The following FAM78B variants were observed in gnomAD, a reference collection of about 807,000 sequenced individuals.
The protein encoded by FAM78B is family with sequence similarity 78 member B.
FAM78B carries 10 observed loss-of-function variants against 20.0 expected under a neutral mutation model. The ratio of observed to expected loss-of-function variants is 0.50; its 90% CI spans 0.31 to 0.85. The LOEUF (loss-of-function observed/expected upper bound fraction) is 0.85. FAM78B is among the 40% of genes least tolerant of loss of function. FAM78B has a pLI of 0.05. For missense variants in FAM78B, 283 were observed against 345.0 expected, an observed-to-expected ratio of 0.82 and a Z score of 1.42; for synonymous variants, 135 against 132.8, an observed-to-expected ratio of 1.02 and a Z score of -0.12.
At chr1:166,098,674 A>G (rs1396961531) in intron 1 of FAM78B, among the ~76,000 whole-genome samples, 2 of 152,118 alleles carry the variant, frequency 1.3e-5, no homozygotes, top group African/African-American at 2.4e-5. Context: ...CTTCGAATTA[A>G]CCCAATCCAA....
chr1:166,125,102 C>T lies in FAM78B; in HGVS notation c.263+40884G>A, dbSNP rs142298607. Among the ~76,000 whole-genome samples, 22 of 152,350 alleles carry T rather than the reference C, an allele frequency of 1.4e-4. 1 individual carries two copies. The highest frequency in any genetic ancestry group is 4.6e-4 in the African/African-American group (19 of 41,578). On this transcript the variant is annotated intron_variant, in intron 1 of 1. Coordinates refer to ENST00000354422, the MANE Select transcript of FAM78B (RefSeq NM_001017961.5). ...AATTGCAGTACTTTTCCATGCATAA[C>T]TTGATAAGGCCTATGTTGGGGTATG...
chr1:166,117,460 A>G (rs930918520), intron 1 of FAM78B, among the ~76,000 whole-genome samples: 1 of 152,006 alleles, frequency 6.6e-6, no homozygotes, highest in African/African-American at 2.4e-5. Flanking sequence ...TTAGCACCCC[A>G]TATCACATTT....
intron 1 of FAM78B, among the ~76,000 whole-genome samples, chr1:166,156,753 C>T (rs762163044): frequency 6.6e-6 from 1 of 152,112 alleles, no homozygotes; most frequent in African/African-American, 2.4e-5. Context: ...AATTGCACAA[C>T]CTTCCTGAGC....
At chr1:166,159,624 G>A (rs1029698654) in intron 1 of FAM78B, among the ~76,000 whole-genome samples, 2 of 151,972 alleles carry the variant, frequency 1.3e-5, no homozygotes, top group Non-Finnish European at 2.9e-5. Flanking sequence ...CTGATACTTT[G>A]CAGTCTGATG....
intron 1 of FAM78B, among the ~76,000 whole-genome samples, chr1:166,122,690 TG>T (rs1654505638): frequency 6.6e-6 from 1 of 152,224 alleles, no homozygotes; most frequent in Non-Finnish European, 1.5e-5. Flanking sequence ...TTGATCTCTC[TG>T]AACCTTGGCT....
chr1:166,111,673 G>T (rs1654063357), intron 1 of FAM78B, among the ~76,000 whole-genome samples: 1 of 152,232 alleles, frequency 6.6e-6, no homozygotes, highest in Non-Finnish European at 1.5e-5. Flanking sequence ...CTGTCAAGTG[G>T]TAAGTGGACT....
At chr1:166,157,079 A>C (rs561875917) in intron 1 of FAM78B, among the ~76,000 whole-genome samples, 18 of 150,184 alleles carry the variant, frequency 1.2e-4, no homozygotes, top group African/African-American at 4.4e-4. Flanking sequence ...GTTTGAACAG[A>C]AAACAGCCCT....
At chr1:166,154,635 T>TG (rs1003869502) in intron 1 of FAM78B, 1 of 479,120 alleles carries the variant, frequency 2.1e-6, no homozygotes, top group Non-Finnish European at 4.4e-6. Context: ...CAAACCTGGC[T>TG]GGGGGGCAGG....
downstream of FAM78B, among the ~76,000 whole-genome samples, chr1:166,069,056 G>A (rs976042038): frequency 1.3e-5 from 2 of 152,134 alleles, no homozygotes; most frequent in African/African-American, 4.8e-5. Flanking sequence ...TTAAGCCTTA[G>A]GAAGTAGTTT....
chr1:166,109,816 A>ATATATG (rs1653930922), intron 1 of FAM78B, among the ~76,000 whole-genome samples: 7 of 27,534 alleles, frequency 2.5e-4, no homozygotes, highest in African/African-American at 5.3e-4. Flanking sequence ...GTATATATGT[A>ATATATG]TATATATATA....
intron 1 of FAM78B, among the ~76,000 whole-genome samples, chr1:166,120,376 G>T (rs892990738): frequency 6.6e-6 from 1 of 152,206 alleles, no homozygotes; most frequent in Non-Finnish European, 1.5e-5. Context: ...CCAAAGCCTG[G>T]AGGCTTTCTT....
In FAM78B at chr1:166,059,407, C is replaced by T. The variant is rs571160732; in HGVS notation, c.*1666G>A. 5 of 152,260 alleles carry T rather than the reference C, an allele frequency of 3.3e-5. No homozygotes were observed. In the East Asian group the frequency reaches 9.6e-4, roughly 29 times the overall value. 9.4% of individuals were successfully genotyped at this position (152,260 alleles called of 1,614,324 possible). On this transcript the variant is annotated 3_prime_UTR_variant and NMD_transcript_variant, in exon 3 of 3. Coordinates refer to the FAM78B transcript ENST00000435676. ...GAGGTGATACTAGAACTTTCCAACC[C>T]TATTTTCACATTAGAGTCATCTGGG...
intron 2 of FAM78B, among the ~76,000 whole-genome samples, chr1:166,063,003 C>T (rs887675432): frequency 3.3e-5 from 5 of 152,172 alleles, no homozygotes; most frequent in African/African-American, 7.2e-5. Flanking sequence ...TCAAAGTGCT[C>T]GAGAGAAGTC....
At chr1:166,064,932 C>T (rs940274438), downstream of FAM78B, among the ~76,000 whole-genome samples, 4 of 152,228 alleles carry the variant, frequency 2.6e-5, no homozygotes, top group Admixed American at 2.6e-4. Context: ...GCAGGACCTC[C>T]AAGATCTCAA....
At chr1:166,132,765 T>C (rs1251849681) in intron 1 of FAM78B, among the ~76,000 whole-genome samples, 1 of 152,184 alleles carries the variant, frequency 6.6e-6, no homozygotes, top group African/African-American at 2.4e-5. Context: ...TAATACTACA[T>C]CAGCTAAGTG....
chr1:166,165,977 G>C lies in FAM78B; in HGVS notation c.263+9C>G, dbSNP rs758483720. 126 of 1,613,446 alleles carry C rather than the reference G, an allele frequency of 7.8e-5. No homozygotes were observed. Among genetic ancestry groups the C allele is most frequent in the Non-Finnish European group, 1.0e-4 (119 of 1,179,882 alleles). On this transcript the variant is annotated intron_variant, in intron 1 of 1. Coordinates refer to ENST00000354422, the MANE Select transcript of FAM78B (RefSeq NM_001017961.5). ...AGTCCGCTCCCGTGCCGCGCGGCGA[G>C]TCGCTTACATGCCCAGGTCGCTGTA...
chr1:166,130,972 C>A (rs1023711615), intron 1 of FAM78B, among the ~76,000 whole-genome samples: 5 of 150,376 alleles, frequency 3.3e-5, no homozygotes, highest in Admixed American at 6.6e-5. Context: ...ATCTGCATCT[C>A]CCCAGGTGCT....
At chr1:166,108,415 T>TA (rs943568725) in intron 1 of FAM78B, among the ~76,000 whole-genome samples, 48 of 151,656 alleles carry the variant, frequency 3.2e-4, no homozygotes, top group African/African-American at 1.1e-3. Context: ...AATAAGTAAA[T>TA]AAAAAATAAA....
chr1:166,149,231 A>C (rs1041888251), intron 1 of FAM78B, among the ~76,000 whole-genome samples: 33 of 150,644 alleles, frequency 2.2e-4, no homozygotes, highest in Admixed American at 6.0e-4. Flanking sequence ...GTACCCTAAA[A>C]CTTAAAGTAT....
Sources: gnomAD v4.1 joint callset for allele counts (sites outside exome capture counted in the v4.1 genomes callset) on GRCh38, gnomAD v4.1.1 for gene constraint, MANE v1.5 for transcripts, NCBI Gene and HGNC (gene_info 2026-07-23, HGNC 2026-07-21) for gene names.